The following CFAP61 variants were observed in gnomAD, a reference collection of about 807,000 sequenced individuals.
CFAP61 encodes the protein cilia and flagella associated protein 61, also known as cilia- and flagella-associated protein 61.
In CFAP61, 107 loss-of-function variants were observed where a neutral mutation model predicts 135.6. That is an observed-to-expected ratio of 0.79 (90% CI 0.67 to 0.93). CFAP61 has a LOEUF of 0.93. Among genes scored for constraint, CFAP61 ranks in the 40% least tolerant of loss-of-function variants. The pLI, the probability that CFAP61 is intolerant of heterozygous loss-of-function variation, is 0.00. For missense variants in CFAP61, 1,507 were observed against 1,556.2 expected (o/e 0.97, Z 0.53); for synonymous variants, 575 against 578.5 (o/e 0.99, Z 0.09).
intron 8 of CFAP61, among the ~76,000 whole-genome samples, chr20:20,099,127 T>TCACACACACACACACACACA (rs11087302): frequency 6.7e-6 from 1 of 149,356 alleles, no homozygotes; most frequent in East Asian, 2.0e-4. Context: ...GTTTCAGGTT[T>TCACACACACACACACACACA]CACACACACA....
At chr20:20,334,839 C>T (rs1025332762) in intron 25 of CFAP61, among the ~76,000 whole-genome samples, 6 of 152,172 alleles carry the variant, frequency 3.9e-5, no homozygotes, top group African/African-American at 1.4e-4. Context: ...AGGAAATATT[C>T]AGTCCGATTT....
At chr20:20,288,965 T>G in intron 23 of CFAP61, 29 bp downstream of exon 23, 1 of 1,559,518 alleles carries the variant, frequency 6.4e-7, no homozygotes, top group Non-Finnish European at 8.8e-7. Flanking sequence ...TTCTCCTTGA[T>G]GAAGCCACAG....
chr20:20,293,931 A>C (rs552192484), intron 24 of CFAP61, among the ~76,000 whole-genome samples: 1 of 152,292 alleles, frequency 6.6e-6, no homozygotes, highest in South Asian at 2.1e-4. Flanking sequence ...TGTGTCTTCC[A>C]TTTGGCATGA....
intron 8 of CFAP61, among the ~76,000 whole-genome samples, chr20:20,136,436 C>A (rs1328323483): frequency 2.0e-5 from 3 of 151,756 alleles, no homozygotes; most frequent in African/African-American, 7.3e-5. Context: ...ATTCTTTTTT[C>A]TTTTGTCTCC....
intron 21 of CFAP61, among the ~76,000 whole-genome samples, chr20:20,263,815 C>T (rs995019199): frequency 1.1e-4 from 17 of 152,010 alleles, no homozygotes; most frequent in Non-Finnish European, 1.8e-4. Context: ...TTAGAGCAGC[C>T]CCTTTCTTTT....
intron 17 of CFAP61, among the ~76,000 whole-genome samples, chr20:20,205,374 G>C (rs1478465022): frequency 6.6e-6 from 1 of 152,120 alleles, no homozygotes; most frequent in Non-Finnish European, 1.5e-5. Context: ...TTGTCCAAAG[G>C]CAAATTAATT....
chr20:20,149,362 T>A (rs1426026918), intron 9 of CFAP61, among the ~76,000 whole-genome samples: 2 of 152,184 alleles, frequency 1.3e-5, no homozygotes, highest in Admixed American at 1.3e-4. Flanking sequence ...AGGGCTGACA[T>A]GCAGCTCCCA....
At chr20:20,179,955 T>C (rs1481267246) in intron 13 of CFAP61, among the ~76,000 whole-genome samples, 1 of 152,098 alleles carries the variant, frequency 6.6e-6, no homozygotes, top group East Asian at 1.9e-4. Flanking sequence ...ATTCTGGACA[T>C]AGGAATGGGC....
chr20:20,267,386 C>G (rs2052851264), intron 21 of CFAP61: 1 of 152,598 alleles, frequency 6.6e-6, no homozygotes, highest in African/African-American at 2.4e-5. Flanking sequence ...GGGATGGGAG[C>G]TGACCAGGCG....
At chr20:20,255,825 T>C (rs1393810151) in intron 20 of CFAP61, among the ~76,000 whole-genome samples, 1 of 152,218 alleles carries the variant, frequency 6.6e-6, no homozygotes, top group African/African-American at 2.4e-5. Flanking sequence ...GTAGAGTCTA[T>C]GTCTCCTCTC....
chr20:20,273,813 A>G (rs2053550801), intron 21 of CFAP61, among the ~76,000 whole-genome samples: 1 of 152,222 alleles, frequency 6.6e-6, no homozygotes. Context: ...GACCGCCCAC[A>G]GGCCTGCTGG....
intron 7 of CFAP61, among the ~76,000 whole-genome samples, 181 bp from the exon 8 acceptor site, chr20:20,098,474 G>A (rs897926009): frequency 2.6e-5 from 4 of 151,992 alleles, no homozygotes; most frequent in African/African-American, 9.7e-5. Context: ...GCTGGGTGTG[G>A]TGGCGGGCGC....
chr20:20,326,549 A>G (rs1569300236), intron 25 of CFAP61, among the ~76,000 whole-genome samples: 1 of 152,152 alleles, frequency 6.6e-6, no homozygotes, highest in East Asian at 1.9e-4. Context: ...ATTTAATTTT[A>G]CTGTTTCCAA....
intron 9 of CFAP61, among the ~76,000 whole-genome samples, chr20:20,146,931 C>G (rs2051936106): frequency 2.0e-5 from 3 of 152,286 alleles, no homozygotes; most frequent in Middle Eastern, 3.4e-3. Flanking sequence ...CCCCAAAGTC[C>G]ATTATATCAC....
At chr20:20,120,811 T>C (rs2049552869) in intron 8 of CFAP61, among the ~76,000 whole-genome samples, 1 of 152,340 alleles carries the variant, frequency 6.6e-6, no homozygotes, top group South Asian at 2.1e-4. Flanking sequence ...TCGAATACTC[T>C]AGTGTTGAGT....
chr20:20,277,803 G>C (rs1441783667), intron 22 of CFAP61, among the ~76,000 whole-genome samples: 2 of 151,136 alleles, frequency 1.3e-5, no homozygotes, highest in Non-Finnish European at 2.9e-5. Context: ...CAAAAGCATA[G>C]TCACTCACAT....
At chr20:20,110,590 CAG>C (rs1470063402) in intron 8 of CFAP61, among the ~76,000 whole-genome samples, 1 of 152,164 alleles carries the variant, frequency 6.6e-6, no homozygotes, top group Non-Finnish European at 1.5e-5. Context: ...CGTTTCTAGA[CAG>C]GGGAGTGAGC....
chr20:20,131,740 C>A (rs1051067557), intron 8 of CFAP61, among the ~76,000 whole-genome samples: 7 of 151,798 alleles, frequency 4.6e-5, no homozygotes, highest in Non-Finnish European at 8.8e-5. Flanking sequence ...TTCAGCTTTT[C>A]TTCCATACTA....
At chr20:20,071,061 G>A in intron 3 of CFAP61, 57 bp downstream of exon 3, 1 of 1,557,590 alleles carries the variant, frequency 6.4e-7, no homozygotes. Context: ...GGGAAGTCCT[G>A]TGTTTGTGAT....
Sources: allele counts gnomAD v4.1 joint callset (sites outside exome capture counted in the v4.1 genomes callset), GRCh38; gene constraint gnomAD v4.1.1; transcripts MANE v1.5; gene names NCBI Gene and HGNC (gene_info 2026-07-23, HGNC 2026-07-21).